Variants in TCN1 observed in about 807,000 individuals in gnomAD.
TCN1 encodes transcobalamin 1.
A neutral mutation model predicts 46.3 loss-of-function variants in TCN1; 47 were observed. The ratio of observed to expected loss-of-function variants is 1.01; its 90% CI spans 0.80 to 1.29. The LOEUF (loss-of-function observed/expected upper bound fraction) is 1.29, where lower values mean the gene tolerates loss of function less well. TCN1 is among the 50% of genes most tolerant of loss of function. TCN1 has a pLI of 0.00. For synonymous variants in TCN1, 183 were observed against 192.5 expected (o/e 0.95, Z 0.41); for missense variants, 532 against 511.0 (o/e 1.04, Z -0.40).
intron 7 of TCN1, 70 bp from the exon 8 acceptor site, chr11:59,853,391 A>C: frequency 3.0e-5 from 40 of 1,327,404 alleles, no homozygotes; most frequent in Non-Finnish European, 3.8e-5. Context: ...GGCATTTCTC[A>C]AACTTTAATG....
At chr11:59,853,061 TG>T (rs1257961083) in intron 8 of TCN1, 25 bp from the exon 9 acceptor site, 1 of 1,613,342 alleles carries the variant, frequency 6.2e-7, no homozygotes, top group African/African-American at 1.3e-5. Context: ...GAAAGAGAAC[TG>T]GGTCAAATGA....
At chr11:59,859,300 C>G in intron 4 of TCN1, 33 bp from the exon 5 acceptor site, 2 of 1,608,754 alleles carry the variant, frequency 1.2e-6, no homozygotes, top group Non-Finnish European at 1.7e-6. Flanking sequence ...TGATAGGCGA[C>G]CAACCACCTC....
chr11:59,856,343 C>G (rs1373474809), intron 5 of TCN1, among the ~76,000 whole-genome samples: 1 of 152,054 alleles, frequency 6.6e-6, no homozygotes, highest in Admixed American at 6.6e-5. Flanking sequence ...ATTTCTGTAT[C>G]CCAGTGCTGG....
Position 59,859,231 on chromosome 11 carries a change from A to G in TCN1, c.593T>C (p.Val198Ala), listed in dbSNP as rs1456497826. ...GAMAVLALTCVKKSLINGQIK... is the reference protein window; with the variant it reads ...GAMAVLALTCAKKSLINGQIK... ...CTGCCCATTTATTAGACTCTTCTTC[A>G]CACAGGTCAGAGCCAGGACAGCCAT... The change falls in exon 5 of 9, where the codon GTG (valine) becomes GCG (alanine). Residue 198 changes from valine (V) to alanine (A), a missense_variant. Transcript: ENST00000257264. 1 of 1,614,024 alleles carries G rather than the reference A, an allele frequency of 6.2e-7. No homozygotes were observed.
intron 1 of TCN1, among the ~76,000 whole-genome samples, chr11:59,865,049 C>T (rs986609197): frequency 6.6e-5 from 10 of 152,104 alleles, no homozygotes; most frequent in Admixed American, 1.3e-4. Flanking sequence ...AAGAAACCAC[C>T]GAATAAACTG....
chr11:59,858,009 A>G (rs1396903632), intron 5 of TCN1, among the ~76,000 whole-genome samples: 3 of 152,184 alleles, frequency 2.0e-5, no homozygotes, highest in African/African-American at 4.8e-5. Flanking sequence ...TAAATATACT[A>G]TGTTTTTTCC....
At chr11:59,859,485 G>A (rs1852994759) in intron 4 of TCN1, among the ~76,000 whole-genome samples, 1 of 152,192 alleles carries the variant, frequency 6.6e-6, no homozygotes, top group Non-Finnish European at 1.5e-5. Flanking sequence ...TCTTCCCAAT[G>A]TTCAGTTGCC....
At chr11:59,861,747 T>A in intron 3 of TCN1, 65 bp from the exon 4 acceptor site, 1 of 1,534,052 alleles carries the variant, frequency 6.5e-7, no homozygotes, top group African/African-American at 1.4e-5. Flanking sequence ...ATTTTCCATC[T>A]ATTCCTACTT....
chr11:59,854,902 C>G (rs1852914331), intron 6 of TCN1, 67 bp from the exon 7 acceptor site: 6 of 1,552,914 alleles, frequency 3.9e-6, no homozygotes, highest in Non-Finnish European at 5.3e-6. Flanking sequence ...GTTTGCAGAC[C>G]TACTCAACCC....
intron 5 of TCN1, among the ~76,000 whole-genome samples, chr11:59,857,241 T>C (rs1445170519): frequency 6.6e-6 from 1 of 152,228 alleles, no homozygotes. Flanking sequence ...TTGTATCACC[T>C]GTAGGGCTTT....
rs376510462 is a variant in TCN1, at chr11:59,862,640, A to G, written c.342T>C (p.Tyr114=). The stretch of plus-strand genomic sequence containing the variant: ...CTAGCTTGTCGATCAGGTGGTAATC[A>G]TATATTAAGTTTTCCTCAGCGTTAC... ...VCRNAEENLI[Y]DYHLIDKLEN... Residue 114 remains tyrosine (Y), a synonymous_variant, in exon 3 of 9, where the codon TAT becomes TAC. Coordinates refer to ENST00000257264, the MANE Select transcript of TCN1 (RefSeq NM_001062.4). 6.2e-7 allele frequency: 1 copy of G among 1,613,760 alleles called. No individual in the cohort carries two copies. The highest frequency in any genetic ancestry group is 8.5e-7 in the Non-Finnish European group (1 of 1,179,828).
Position 59,866,485 on chromosome 11 carries a change from A to G in TCN1, c.-15T>C. On this transcript the variant is annotated 5_prime_UTR_variant, in exon 1 of 9. Coordinates refer to ENST00000257264, the MANE Select transcript of TCN1 (RefSeq NM_001062.4). ...GACTGTCTCATCTCTCCAACAGTGTACCAGAATGTTGATGAATTGGCTGGC... is the reference window on the plus strand; with the variant it reads ...GACTGTCTCATCTCTCCAACAGTGTGCCAGAATGTTGATGAATTGGCTGGC... 1.2e-6 allele frequency: 2 copies of G among 1,611,230 alleles called. No homozygotes were observed. The highest frequency in any genetic ancestry group is 1.7e-6 in the Non-Finnish European group (2 of 1,177,464).
intron 5 of TCN1, among the ~76,000 whole-genome samples, chr11:59,856,607 G>A (rs1852944795): frequency 6.6e-6 from 1 of 152,146 alleles, no homozygotes; most frequent in African/African-American, 2.4e-5. Context: ...GGAATGGCCA[G>A]GACATGACCT....
In TCN1 at chr11:59,861,636, C is replaced by G; in HGVS notation, c.447G>C (p.Leu149=). ...TGAACAGACACAAGGCCAAAACGTC[C>G]AGGCTGAGCTGGTAGTAGTTAGTCA... ...TPLTNYYQLS[L]DVLALCLFNG... is the part of the protein sequence containing the mutation. Residue 149 remains leucine (L), a synonymous_variant, in exon 4 of 9, where the codon CTG becomes CTC. Coordinates refer to ENST00000257264, the MANE Select transcript of TCN1 (RefSeq NM_001062.4). 6.2e-7 allele frequency: 1 copy of G among 1,614,122 alleles called. No homozygotes were observed.
Position 59,859,215 on chromosome 11 carries a change from T to G in TCN1, c.609A>C (p.Ile203=). Residue 203 remains isoleucine (I), a synonymous_variant, in exon 5 of 9, where the codon ATA becomes ATC. Coordinates refer to ENST00000257264, the MANE Select transcript of TCN1 (RefSeq NM_001062.4). ...LALTCVKKSL[I]NGQIKADEGS... is the part of the protein sequence containing the mutation. ...CTTCATCTGCTTTGATCTGCCCATT[T>G]ATTAGACTCTTCTTCACACAGGTCA... 1 of 1,614,112 alleles carries G rather than the reference T, an allele frequency of 6.2e-7. No homozygotes were observed. The highest frequency in any genetic ancestry group is 1.7e-5 in the Admixed American group (1 of 60,030).
In TCN1 at chr11:59,854,660, A is replaced by G. The variant is rs759978761; in HGVS notation, c.1113T>C (p.Thr371=). ...GTTAGGTACAGACCTACCCAAATAT[A>G]GTATCATTCATTTTCTGGGCTTTCT... ...VMEKAQKMND[T]IFGFTMEERS... Residue 371 remains threonine, a synonymous_variant, in exon 7 of 9, where the codon ACT becomes ACC. Transcript: ENST00000257264. 7 of 1,613,826 alleles carry G rather than the reference A, an allele frequency of 4.3e-6. No homozygotes were observed. Among genetic ancestry groups the G allele is most frequent in the Non-Finnish European group, 5.9e-6 (7 of 1,179,794 alleles).
intron 1 of TCN1, among the ~76,000 whole-genome samples, chr11:59,865,411 TA>T (rs1193239562): frequency 6.6e-6 from 1 of 152,246 alleles, no homozygotes; most frequent in South Asian, 2.1e-4. Flanking sequence ...AAAACCTACA[TA>T]GCCATTCCCT....
intron 6 of TCN1, 130 bp from the exon 7 acceptor site, chr11:59,854,965 A>C: frequency 1.0e-6 from 1 of 1,003,908 alleles, no homozygotes; most frequent in East Asian, 2.6e-5. Context: ...ATAAGGAGCA[A>C]TTATCATCAC....
At chr11:59,862,416 G>T (rs1170679019) in intron 3 of TCN1, among the ~76,000 whole-genome samples, 166 bp downstream of exon 3, 6 of 151,940 alleles carry the variant, frequency 3.9e-5, no homozygotes, top group Non-Finnish European at 5.9e-5. Context: ...TATTTAAAAA[G>T]AAAATTCAAG....
Sources: allele counts gnomAD v4.1 joint callset (sites outside exome capture counted in the v4.1 genomes callset), GRCh38; gene constraint gnomAD v4.1.1; transcripts MANE v1.5; gene names NCBI Gene and HGNC (gene_info 2026-07-23, HGNC 2026-07-21).